The following SLMAP variants were observed in gnomAD, a reference collection of about 807,000 sequenced individuals.
The protein encoded by SLMAP is sarcolemmal membrane-associated protein.
In SLMAP, 44 loss-of-function variants were observed where a neutral mutation model predicts 128.8. The observed-to-expected ratio is 0.34, with a 90% CI of 0.27 to 0.44. The LOEUF is 0.44. Ranked by LOEUF, SLMAP falls within the 20% of genes least tolerant of loss-of-function variation. The probability of loss-of-function intolerance (pLI) is 1.00; values close to 1 mark genes in which losing one functional copy is unlikely to be tolerated. For synonymous variants in SLMAP, 327 were observed against 348.8 expected (o/e 0.94, Z 0.70); for missense variants, 787 against 985.3 (o/e 0.80, Z 2.69).
At position 57,864,809 on chromosome 3, in the gene SLMAP, C is replaced by T. The variant is rs776122345; in HGVS notation, c.1138C>T (p.Arg380Trp). 17 of 1,582,550 alleles carry T rather than the reference C, an allele frequency of 1.1e-5. No individual in the cohort carries two copies. In the African/African-American group the frequency reaches 1.7e-4, roughly 15 times the overall value. Residue 380 changes from arginine (R) to tryptophan (W), a missense_variant and splice_region_variant, in exon 12 of 25, where the codon CGG becomes TGG. Physicochemically the swap from Arg to Trp is moderately radical, Grantham distance 101. This residue lies in a region of SLMAP where 715 missense variants were observed against 843.6 expected (regional missense o/e 0.85). Transcript: ENST00000671191. ...TTTTTTTGGACTTTTATTTACAGTA[C>T]GGTTAGAACATCTTCAGGAGAAAAC... is the stretch of plus-strand genomic sequence containing the variant. ...TNERLTALQV[R>W]LEHLQEKTLK...
chr3:57,805,292 T>G (rs1160354125), intron 2 of SLMAP, among the ~76,000 whole-genome samples: 1 of 152,222 alleles, frequency 6.6e-6, no homozygotes, highest in Non-Finnish European at 1.5e-5. Flanking sequence ...ACCATTCAAA[T>G]GTGGATACTT....
intron 2 of SLMAP, among the ~76,000 whole-genome samples, chr3:57,825,500 C>CTTTTTTTTTTTT (rs539901060): frequency 1.9e-5 from 2 of 106,582 alleles, no homozygotes; most frequent in Non-Finnish European, 2.0e-5. Context: ...TGTGTGTTTT[C>CTTTTTTTTTTTT]TTTTTTTTTT....
At chr3:57,897,752 GTAAT>G (rs2096275703) in intron 17 of SLMAP, 1 of 152,092 alleles carries the variant, frequency 6.6e-6, no homozygotes, top group Non-Finnish European at 1.5e-5. Flanking sequence ...AGTAATGCAT[GTAAT>G]TAACTCTTTG....
intron 2 of SLMAP, among the ~76,000 whole-genome samples, chr3:57,774,806 G>A (rs1261470869): frequency 1.3e-5 from 2 of 152,062 alleles, no homozygotes; most frequent in East Asian, 1.9e-4. Context: ...TTACAGGTGT[G>A]AGCCATTGCG....
Position 57,876,254 on chromosome 3 carries a change from A to G in SLMAP, c.1300+4556A>G, listed in dbSNP as rs148620487. Among the ~76,000 whole-genome samples the G allele has an allele frequency of 4.6e-4, 70 of 152,318 alleles. 1 individual carries two copies. Among genetic ancestry groups the G allele is most frequent in the Middle Eastern group, 3.4e-3 (1 of 294 alleles). ...ATGTGTATGAATCTATAAGAGAACA[A>G]TTTGGTTGTTGGCTCTTTCCATTTA... On this transcript the variant is annotated intron_variant, in intron 14 of 24. Transcript: ENST00000671191.
intron 14 of SLMAP, among the ~76,000 whole-genome samples, chr3:57,871,989 A>C (rs1476076071): frequency 6.6e-6 from 1 of 152,238 alleles, no homozygotes; most frequent in Non-Finnish European, 1.5e-5. Context: ...AGAGAAAATG[A>C]AGCCAGAAAA....
chr3:57,928,365 T>C lies in SLMAP; in HGVS notation c.*1076T>C, dbSNP rs146932945. On this transcript the variant is annotated 3_prime_UTR_variant, in exon 25 of 25. Transcript: ENST00000671191. ...TATTGACCTAATTTGGTTTATGATGTGTCAGAGCTAATTCATGTTCAGGGT... is the reference window on the plus strand; with the variant it reads ...TATTGACCTAATTTGGTTTATGATGCGTCAGAGCTAATTCATGTTCAGGGT... 1 of 152,290 alleles carries C rather than the reference T, an allele frequency of 6.6e-6. No individual in the cohort carries two copies. The highest frequency in any genetic ancestry group is 2.4e-5 in the African/African-American group (1 of 41,570). The allele number at this position is 152,290 out of a possible 1,614,324, so 9.4% of individuals were successfully genotyped here. A position where few individuals can be genotyped will look rare whatever the true frequency, so the allele number is the denominator to read the frequency against.
intron 2 of SLMAP, 58 bp downstream of exon 2, chr3:57,757,907 C>A (rs1014928090): frequency 6.0e-6 from 9 of 1,504,026 alleles, no homozygotes; most frequent in Non-Finnish European, 8.3e-6. Context: ...CCCCTTTTGC[C>A]CTCCCTGAGA....
At chr3:57,778,763 A>G (rs760496527) in intron 2 of SLMAP, among the ~76,000 whole-genome samples, 64 of 151,736 alleles carry the variant, frequency 4.2e-4, no homozygotes, top group Non-Finnish European at 7.5e-4. Flanking sequence ...TGTGGTAGAG[A>G]TAGGGGCTCT....
chr3:57,771,539 C>CT (rs977623988), intron 2 of SLMAP, among the ~76,000 whole-genome samples: 31 of 151,092 alleles, frequency 2.1e-4, no homozygotes, highest in African/African-American at 7.0e-4. Context: ...CCTTTTTCTT[C>CT]TTTTTTTTTA....
At chr3:57,798,272 A>T (rs1048706524) in intron 2 of SLMAP, among the ~76,000 whole-genome samples, 11 of 152,152 alleles carry the variant, frequency 7.2e-5, no homozygotes, top group Admixed American at 1.3e-4. Flanking sequence ...TTTGTGAAGT[A>T]GAATATTTTG....
chr3:57,847,642 A>G (rs1332703226), intron 5 of SLMAP, among the ~76,000 whole-genome samples: 2 of 152,102 alleles, frequency 1.3e-5, no homozygotes, highest in Non-Finnish European at 2.9e-5. Flanking sequence ...TTGTTCTTTT[A>G]TTTTCTTTGA....
intron 15 of SLMAP, 176 bp from the exon 16 acceptor site, chr3:57,896,335 T>C: frequency 7.4e-7 from 1 of 1,355,572 alleles, no homozygotes; most frequent in Non-Finnish European, 9.5e-7. Context: ...CTACGTGTAA[T>C]AACCAGCATT....
chr3:57,821,912 T>TTCC (rs112836711), intron 2 of SLMAP, among the ~76,000 whole-genome samples: 2,473 of 148,654 alleles, frequency 0.017, 52 homozygotes, highest in African/African-American at 0.049. Flanking sequence ...GCAATACCTG[T>TTCC]TCCTCCTCCT....
chr3:57,853,378 T>C (rs2094575466), intron 6 of SLMAP, among the ~76,000 whole-genome samples: 2 of 152,210 alleles, frequency 1.3e-5, no homozygotes, highest in African/African-American at 2.4e-5. Context: ...ATCAAGGATG[T>C]GGAGAGCAAT....
chr3:57,918,887 A>T (rs1481418235), intron 22 of SLMAP, among the ~76,000 whole-genome samples: 1 of 152,194 alleles, frequency 6.6e-6, no homozygotes, highest in Non-Finnish European at 1.5e-5. Flanking sequence ...ATGAAGAAGA[A>T]CCAAAGGTGT....
Position 57,757,806 on chromosome 3 carries a change from C to T in SLMAP, c.155C>T (p.Ser52Leu). Reference protein sequence around the residue: ...NNATFDCKVLSRNHALVWFDH... With the variant: ...NNATFDCKVLLRNHALVWFDH... ...GCCACTTTTGATTGCAAAGTGCTAT[C>T]AAGGAACCACGCTCTCGTCTGGTTT... The change falls in exon 2 of 25, where the codon TCA becomes TTA. Residue 52 changes from serine to leucine, a missense_variant. This residue lies in a region of SLMAP where 72 missense variants were observed against 141.8 expected (regional missense o/e 0.51). Transcript: ENST00000671191. The T allele has an allele frequency of 6.2e-7, 1 of 1,614,186 alleles. No individual in the cohort carries two copies. The highest frequency in any genetic ancestry group is 8.5e-7 in the Non-Finnish European group (1 of 1,180,028).
In SLMAP at chr3:57,923,005, C is replaced by T. The variant is rs1297439131; in HGVS notation, c.2427C>T (p.Leu809=). The change falls in exon 23 of 25, where the codon CTC becomes CTT. Residue 809 remains leucine (L), a synonymous_variant. Coordinates refer to ENST00000671191, the MANE Select transcript of SLMAP (RefSeq NM_001377540.1). ...LKQCKNNLKL[L]REKGNNPSIL... is the part of the protein sequence containing the mutation. ...AGTGTAAAAACAACCTGAAGCTGCT[C>T]CGAGAGAAAGGAAATAATGTAAGTC... 3.1e-6 allele frequency: 5 copies of T among 1,613,470 alleles called. No homozygotes were observed. Among genetic ancestry groups the T allele is most frequent in the African/African-American group, 2.7e-5 (2 of 74,840 alleles).
intron 4 of SLMAP, among the ~76,000 whole-genome samples, chr3:57,843,259 A>G (rs1360396040): frequency 6.7e-6 from 1 of 149,716 alleles, no homozygotes; most frequent in Non-Finnish European, 1.5e-5. Flanking sequence ...ACACTGCACA[A>G]ATAATTTTCC....
Sources: gnomAD v4.1 joint callset for allele counts (sites outside exome capture counted in the v4.1 genomes callset) on GRCh38, gnomAD v4.1.1 for gene constraint, gnomAD v4.1.1 regional missense constraint, MANE v1.5 for transcripts, NCBI Gene and HGNC (gene_info 2026-07-23, HGNC 2026-07-21) for gene names.